The following ADAM23 variants were observed in gnomAD, a reference collection of about 807,000 sequenced individuals.
The protein encoded by ADAM23 is disintegrin and metalloproteinase domain-containing protein 23.
ADAM23 carries 33 observed loss-of-function variants against 120.1 expected under a neutral mutation model. The ratio of observed to expected loss-of-function variants is 0.27; its 90% CI spans 0.21 to 0.37. The LOEUF (loss-of-function observed/expected upper bound fraction) is 0.37. ADAM23 is among the 10% of genes least tolerant of loss of function. The pLI is 1.00. For missense variants in ADAM23, 862 were observed against 1,058.2 expected, an observed-to-expected ratio of 0.81 and a Z score of 2.57; for synonymous variants, 367 against 375.2, an observed-to-expected ratio of 0.98 and a Z score of 0.25.
intron 24 of ADAM23, among the ~76,000 whole-genome samples, chr2:206,597,861 A>G (rs1051462188): frequency 6.6e-6 from 1 of 152,210 alleles, no homozygotes; most frequent in African/African-American, 2.4e-5. Context: ...ATGCAGATGA[A>G]GCTCTGTAGT....
At chr2:206,606,061 G>T (rs950898950) in intron 24 of ADAM23, among the ~76,000 whole-genome samples, 1 of 152,154 alleles carries the variant, frequency 6.6e-6, no homozygotes, top group Admixed American at 6.5e-5. Flanking sequence ...ACCTTCTCCT[G>T]TCTGGAACAA....
At chr2:206,466,725 G>A (rs1485842501) in intron 2 of ADAM23, among the ~76,000 whole-genome samples, 4 of 152,174 alleles carry the variant, frequency 2.6e-5, no homozygotes, top group Non-Finnish European at 5.9e-5. Context: ...TGGGTAATGT[G>A]TAAAGAAGAG....
intron 4 of ADAM23, among the ~76,000 whole-genome samples, chr2:206,541,462 A>G (rs922433252): frequency 6.6e-6 from 1 of 152,192 alleles, no homozygotes; most frequent in African/African-American, 2.4e-5. Context: ...TCAAAAATAT[A>G]TAGCCAAACA....
At chr2:206,595,048 G>T (rs1698498320) in intron 23 of ADAM23, 143 bp downstream of exon 23, 2 of 1,013,374 alleles carry the variant, frequency 2.0e-6, no homozygotes, top group Admixed American at 2.6e-5. Flanking sequence ...GGGCGTGGTG[G>T]TGGGCACCTG....
At chr2:206,593,084 T>C (rs1163208451) in intron 22 of ADAM23, among the ~76,000 whole-genome samples, 3 of 152,192 alleles carry the variant, frequency 2.0e-5, no homozygotes, top group Admixed American at 1.3e-4. Context: ...ATTTATTTTG[T>C]GACTGAAAAG....
chr2:206,616,919 A>T (rs2105870121), intron 25 of ADAM23, among the ~76,000 whole-genome samples: 1 of 152,110 alleles, frequency 6.6e-6, no homozygotes, highest in East Asian at 1.9e-4. Context: ...AAGCATTTTA[A>T]CTTGCCGATT....
In ADAM23 at chr2:206,502,279, C is replaced by T. The variant is rs551498123; in HGVS notation, c.509+20971C>T. On this transcript the variant is annotated intron_variant, in intron 3 of 25. Coordinates refer to ENST00000264377, the MANE Select transcript of ADAM23 (RefSeq NM_003812.4). ...AACAGGTCACCTTTTGATGATTTTACCTAAAAACATTTTATAAATAACTGT... is the reference window on the plus strand; with the variant it reads ...AACAGGTCACCTTTTGATGATTTTATCTAAAAACATTTTATAAATAACTGT... Among the ~76,000 whole-genome samples the T allele has an allele frequency of 7.5e-4, 114 of 152,150 alleles. 1 individual carries two copies. The highest frequency in any genetic ancestry group is 2.3e-3 in the African/African-American group (94 of 41,526).
chr2:206,586,519 T>C (rs369029439), intron 18 of ADAM23, among the ~76,000 whole-genome samples: 2 of 152,170 alleles, frequency 1.3e-5, no homozygotes, highest in African/African-American at 4.8e-5. Flanking sequence ...ATTGGAAGGA[T>C]GGAACATCAT....
chr2:206,513,504 G>A (rs1276495230), intron 3 of ADAM23, among the ~76,000 whole-genome samples: 1 of 152,156 alleles, frequency 6.6e-6, no homozygotes, highest in Non-Finnish European at 1.5e-5. Context: ...AAAGTTTGAA[G>A]CTAGCAGAAT....
chr2:206,491,306 G>A (rs945571998), intron 3 of ADAM23, among the ~76,000 whole-genome samples: 3 of 152,156 alleles, frequency 2.0e-5, no homozygotes, highest in Admixed American at 1.3e-4. Context: ...GGATTGCCCA[G>A]AAAAGAGGAC....
chr2:206,457,947 T>C (rs1447775400), intron 2 of ADAM23, among the ~76,000 whole-genome samples: 1 of 152,358 alleles, frequency 6.6e-6, no homozygotes, highest in African/African-American at 2.4e-5. Flanking sequence ...TTTGTCAGCA[T>C]GTGAAATGCA....
chr2:206,592,268 C>T lies in ADAM23; in HGVS notation c.1959-349C>T, dbSNP rs1342999947. On this transcript the variant is annotated intron_variant, in intron 21 of 25. Transcript: ENST00000264377. ...AAAATCCTCCCAGCCACTCCCTAGC[C>T]AGCTTCTCCTCACATCTTCACAGCC... 2.0e-5 allele frequency among the ~76,000 whole-genome samples: 3 copies of T among 152,174 alleles called. No individual in the cohort carries two copies. In the East Asian group the frequency reaches 5.8e-4, roughly 29 times the overall value.
At chr2:206,544,092 C>T (rs1365135176) in intron 6 of ADAM23, among the ~76,000 whole-genome samples, 1 of 152,138 alleles carries the variant, frequency 6.6e-6, no homozygotes, top group Non-Finnish European at 1.5e-5. Flanking sequence ...TGTAACCCAA[C>T]ACCACCTGTT....
chr2:206,554,650 G>GAACC (rs1697604380), intron 9 of ADAM23, among the ~76,000 whole-genome samples: 1 of 152,076 alleles, frequency 6.6e-6, no homozygotes, highest in Admixed American at 6.6e-5. Context: ...ATTGTTAACT[G>GAACC]AACCAGCTTA....
chr2:206,602,174 A>G (rs1473533859), intron 24 of ADAM23, among the ~76,000 whole-genome samples: 1 of 152,164 alleles, frequency 6.6e-6, no homozygotes, highest in Non-Finnish European at 1.5e-5. Context: ...TTTTTCTCAA[A>G]TAACAATGGC....
intron 18 of ADAM23, among the ~76,000 whole-genome samples, chr2:206,573,889 T>C (rs1698059014): frequency 6.6e-6 from 1 of 152,054 alleles, no homozygotes; most frequent in Non-Finnish European, 1.5e-5. Flanking sequence ...AAGGGGGCAT[T>C]CTGCTGGATG....
intron 3 of ADAM23, among the ~76,000 whole-genome samples, chr2:206,498,448 A>G (rs560968338): frequency 2.5e-3 from 376 of 152,340 alleles, no homozygotes; most frequent in African/African-American, 8.5e-3. Flanking sequence ...GGCTACCCAT[A>G]TGTAGAAAGC....
chr2:206,550,656 C>G (rs2105813944), intron 9 of ADAM23, among the ~76,000 whole-genome samples: 1 of 145,852 alleles, frequency 6.9e-6, no homozygotes, highest in African/African-American at 2.5e-5. Context: ...GCCTGGAGTA[C>G]AGTGGCGCGA....
chr2:206,464,039 A>C (rs1282627627), intron 2 of ADAM23, among the ~76,000 whole-genome samples: 1 of 152,208 alleles, frequency 6.6e-6, no homozygotes, highest in Admixed American at 6.5e-5. Flanking sequence ...AGATAGTTGC[A>C]ATATTTCTTC....
Sources: allele counts gnomAD v4.1 joint callset (sites outside exome capture counted in the v4.1 genomes callset), GRCh38; gene constraint gnomAD v4.1.1; transcripts MANE v1.5; gene names NCBI Gene and HGNC (gene_info 2026-07-23, HGNC 2026-07-21).